PRKCE: variants seen among roughly 807,000 people sequenced by gnomAD.
PRKCE encodes the protein protein kinase C epsilon type.
A neutral mutation model predicts 85.4 loss-of-function variants in PRKCE; 16 were observed. The observed-to-expected ratio is 0.19, with a 90% CI of 0.13 to 0.28. PRKCE has a LOEUF of 0.28. Ranked by LOEUF, PRKCE falls within the 10% of genes least tolerant of loss-of-function variation. PRKCE has a pLI of 1.00. For missense variants in PRKCE, 573 were observed against 975.2 expected (o/e 0.59, Z 5.49); for synonymous variants, 388 against 371.5 (o/e 1.04, Z -0.51).
intron 2 of PRKCE, among the ~76,000 whole-genome samples, chr2:45,971,816 G>A (rs1308277114): frequency 6.6e-6 from 1 of 152,214 alleles, no homozygotes; most frequent in East Asian, 1.9e-4. Flanking sequence ...TTTCTTTTGT[G>A]TGTATGTGAT....
intron 6 of PRKCE, among the ~76,000 whole-genome samples, chr2:46,000,298 AG>A (rs60122417): frequency 0.27 from 40,648 of 151,602 alleles, 5,548 homozygotes; most frequent in South Asian, 0.3. Flanking sequence ...AGCTGTGATT[AG>A]GGTGTTTTCA....
intron 2 of PRKCE, among the ~76,000 whole-genome samples, chr2:45,858,826 A>AG (rs1348085926): frequency 2.0e-5 from 3 of 152,058 alleles, no homozygotes; most frequent in Non-Finnish European, 4.4e-5. Context: ...GGATCACTTG[A>AG]GGTCAGGAGT....
intron 11 of PRKCE, among the ~76,000 whole-genome samples, chr2:46,121,762 G>T (rs1673337034): frequency 6.6e-6 from 1 of 152,168 alleles, no homozygotes; most frequent in Admixed American, 6.5e-5. Flanking sequence ...CATACCTGCA[G>T]GGCCTCGTAC....
At chr2:46,170,906 T>C (rs281480) in intron 14 of PRKCE, among the ~76,000 whole-genome samples, 11,684 of 152,288 alleles carry the variant, frequency 0.077, 498 homozygotes, top group Middle Eastern at 0.16. Context: ...GAACTGGGCC[T>C]TTGCCAGGGC....
intron 10 of PRKCE, chr2:46,010,828 C>G: frequency 3.2e-6 from 5 of 1,553,586 alleles, no homozygotes; most frequent in Middle Eastern, 1.7e-4. Flanking sequence ...AGTCCTTGCT[C>G]TGCTCCTAAC....
intron 1 of PRKCE, among the ~76,000 whole-genome samples, chr2:45,703,124 TA>T (rs1678809635): frequency 4.2e-5 from 1 of 23,630 alleles, no homozygotes; most frequent in African/African-American, 5.4e-4. Flanking sequence ...CTGTTTTATT[TA>T]TTTTTTTTTT....
chr2:45,826,921 C>A (rs1191701686), intron 1 of PRKCE, among the ~76,000 whole-genome samples: 6 of 152,274 alleles, frequency 3.9e-5, no homozygotes, highest in African/African-American at 1.4e-4. Context: ...CATCACTTGT[C>A]TGGACTATTG....
chr2:46,045,650 G>A (rs1463306509), intron 10 of PRKCE, among the ~76,000 whole-genome samples: 1 of 152,172 alleles, frequency 6.6e-6, no homozygotes, highest in African/African-American at 2.4e-5. Context: ...AGGCTGAAGC[G>A]GGATGATCAC....
chr2:45,993,055 C>T (rs1703934819), intron 6 of PRKCE, among the ~76,000 whole-genome samples: 1 of 151,032 alleles, frequency 6.6e-6, no homozygotes, highest in Non-Finnish European at 1.5e-5. Flanking sequence ...GAGAGGCATT[C>T]TGGAAAGAGA....
Position 46,145,184 on chromosome 2 carries a change from G to T in PRKCE, c.1684G>T (p.Val562Leu). The change falls in exon 12 of 15, where the codon GTG (valine) becomes TTG (leucine). Residue 562 changes from valine (V) to leucine (L), a missense_variant. Val to Leu is a conservative substitution (Grantham distance 32). Around this residue, in one of 11 missense-constraint regions of PRKCE, gnomAD observed 15 missense variants for 42.2 expected, o/e 0.36. Coordinates refer to ENST00000306156, the MANE Select transcript of PRKCE (RefSeq NM_005400.3). The surrounding 1 kb of genome is among the most constrained non-coding windows in gnomAD (Gnocchi z 4.6). ...GMCKEGILNG[V>L]TTTTFCGTPD... ...GTGCAAGGAAGGGATTCTGAATGGT[G>T]TGACGACCACCACGTTCTGTGGGAC... 1 of 1,599,748 alleles carries T rather than the reference G, an allele frequency of 6.3e-7. No homozygotes were observed. The highest frequency in any genetic ancestry group is 8.5e-7 in the Non-Finnish European group (1 of 1,179,964).
intron 1 of PRKCE, among the ~76,000 whole-genome samples, chr2:45,760,918 C>A (rs202220126): frequency 6.6e-6 from 1 of 152,124 alleles, no homozygotes; most frequent in Non-Finnish European, 1.5e-5. Flanking sequence ...GTCTCTTTAC[C>A]AAAACCCTTA....
chr2:45,681,922 T>G (rs749647996), intron 1 of PRKCE, among the ~76,000 whole-genome samples: 12 of 152,210 alleles, frequency 7.9e-5, no homozygotes, highest in Non-Finnish European at 1.5e-4. Context: ...AACCTTTGCA[T>G]GCATTTGTTT....
intron 10 of PRKCE, chr2:46,073,971 T>C (rs1668300277): frequency 6.6e-6 from 1 of 152,128 alleles, no homozygotes. Flanking sequence ...GTAGGATCAG[T>C]CCTGGCTGCT....
chr2:45,792,169 A>G (rs1234091664), intron 1 of PRKCE, among the ~76,000 whole-genome samples: 1 of 152,144 alleles, frequency 6.6e-6, no homozygotes, highest in Non-Finnish European at 1.5e-5. Context: ...CAGAAGGGCA[A>G]AGGGGAAGTG....
At chr2:45,663,476 C>G (rs911401289) in intron 1 of PRKCE, among the ~76,000 whole-genome samples, 1 of 152,088 alleles carries the variant, frequency 6.6e-6, no homozygotes, top group East Asian at 1.9e-4. Flanking sequence ...GGGAAAGGAG[C>G]CCCTCTAAAC....
At chr2:45,678,490 C>T (rs1006120706) in intron 1 of PRKCE, among the ~76,000 whole-genome samples, 1 of 152,140 alleles carries the variant, frequency 6.6e-6, no homozygotes, top group African/African-American at 2.4e-5. Context: ...CCAGTCATTT[C>T]CGAACTTTTT....
intron 11 of PRKCE, among the ~76,000 whole-genome samples, chr2:46,116,526 G>A (rs1021368094): frequency 3.3e-5 from 5 of 152,220 alleles, no homozygotes; most frequent in Non-Finnish European, 7.3e-5. Context: ...GAAATCAGAA[G>A]GCTGGGTTAC....
chr2:45,790,621 G>A (rs1686960995), intron 1 of PRKCE, among the ~76,000 whole-genome samples: 1 of 152,240 alleles, frequency 6.6e-6, no homozygotes, highest in Non-Finnish European at 1.5e-5. Flanking sequence ...AGCACACAGG[G>A]CCAGTCCAGT....
chr2:45,980,916 C>T (rs1702841015), intron 5 of PRKCE, among the ~76,000 whole-genome samples: 1 of 152,324 alleles, frequency 6.6e-6, no homozygotes, highest in African/African-American at 2.4e-5. Context: ...TAAAAACCTT[C>T]ATGAGGTAGA....
Sources: gnomAD v4.1 joint callset for allele counts (sites outside exome capture counted in the v4.1 genomes callset) on GRCh38, gnomAD v4.1.1 for gene constraint, gnomAD v4.1.1 regional missense constraint, Gnocchi (gnomAD v3.1) non-coding constraint, MANE v1.5 for transcripts, NCBI Gene and HGNC (gene_info 2026-07-23, HGNC 2026-07-21) for gene names.